The following PLEKHG5 variants were observed in gnomAD, a reference collection of about 807,000 sequenced individuals.
PLEKHG5 encodes the protein pleckstrin homology domain-containing family G member 5.
Under a neutral mutation model 103.8 loss-of-function variants are expected in PLEKHG5, and 52 were observed. That is an observed-to-expected ratio of 0.50 (90% CI 0.40 to 0.63). The LOEUF (loss-of-function observed/expected upper bound fraction) is 0.63, where lower values mean the gene tolerates loss of function less well. Among genes scored for constraint, PLEKHG5 ranks in the 30% least tolerant of loss-of-function variants. PLEKHG5 has a pLI of 0.00. For missense variants in PLEKHG5, 1,205 were observed against 1,347.6 expected, an observed-to-expected ratio of 0.89 and a Z score of 1.66; for synonymous variants, 592 against 575.5, an observed-to-expected ratio of 1.03 and a Z score of -0.41.
upstream of PLEKHG5, among the ~76,000 whole-genome samples, chr1:6,501,275 G>T (rs1391575854): frequency 6.6e-6 from 1 of 152,082 alleles, no homozygotes; most frequent in East Asian, 1.9e-4. This position sits in a 1 kb window ranked among gnomAD's most constrained non-coding sequence, Gnocchi z 4.3. Context: ...TCTGACCCCA[G>T]CCCAGCCCTT....
chr1:6,481,852 G>C (rs1478962083), intron 1 of PLEKHG5, among the ~76,000 whole-genome samples: 4 of 142,532 alleles, frequency 2.8e-5, no homozygotes, highest in Admixed American at 1.4e-4. Context: ...CTACAGGGAA[G>C]ACATTATCTT....
chr1:6,476,374 G>C (rs1163600494), intron 2 of PLEKHG5, among the ~76,000 whole-genome samples: 1 of 152,006 alleles, frequency 6.6e-6, no homozygotes, highest in Non-Finnish European at 1.5e-5. Context: ...TGTATTTTTA[G>C]TAATGACAGG....
At chr1:6,482,015 G>A (rs1351336732) in intron 1 of PLEKHG5, among the ~76,000 whole-genome samples, 1 of 151,792 alleles carries the variant, frequency 6.6e-6, no homozygotes, top group Admixed American at 6.6e-5. Flanking sequence ...CTGGCCTCCT[G>A]GTCGTTCCGG....
At chr1:6,470,708 A>G (rs770153419) in intron 14 of PLEKHG5, 27 bp downstream of exon 14, 3 of 1,550,354 alleles carry the variant, frequency 1.9e-6, no homozygotes, top group African/African-American at 1.4e-5. Context: ...CGCAGGGGGG[A>G]CGGCTCCCGC....
At chr1:6,512,978 C>G (rs10442706) in intron 1 of PLEKHG5, among the ~76,000 whole-genome samples, 92,406 of 152,116 alleles carry the variant, frequency 0.61, 30,144 homozygotes, top group East Asian at 0.75. Context: ...AAGAACAGAA[C>G]GCAAGTCTGC....
At chr1:6,471,428 G>C (rs944406400) in intron 12 of PLEKHG5, 60 bp downstream of exon 12, 1 of 1,555,868 alleles carries the variant, frequency 6.4e-7, no homozygotes, top group Non-Finnish European at 8.7e-7. Context: ...GGGCCGTGGA[G>C]GCTTTTCGGC....
At chr1:6,474,690 C>A in intron 5 of PLEKHG5, 103 bp from the exon 6 acceptor site, 1 of 1,154,344 alleles carries the variant, frequency 8.7e-7, no homozygotes, top group South Asian at 1.3e-5. Context: ...GCCCCAGCTG[C>A]CCCCACCTTC....
intron 1 of PLEKHG5, chr1:6,485,795 C>T: frequency 3.8e-6 from 3 of 794,862 alleles, no homozygotes; most frequent in South Asian, 5.8e-5. Flanking sequence ...GTCCCCGGGA[C>T]CCCCACCTTC....
chr1:6,514,795 C>T (rs1293190686), intron 1 of PLEKHG5, among the ~76,000 whole-genome samples: 1 of 147,690 alleles, frequency 6.8e-6, no homozygotes, highest in African/African-American at 2.5e-5. Context: ...TGGCCAGCCG[C>T]GGTGGCTCAA....
upstream of PLEKHG5, among the ~76,000 whole-genome samples, chr1:6,496,309 G>A (rs1221786738): frequency 6.6e-6 from 1 of 152,242 alleles, no homozygotes; most frequent in African/African-American, 2.4e-5. Flanking sequence ...CACTGTTCCT[G>A]AGCTGGGGGC....
At chr1:6,475,395 G>T in intron 4 of PLEKHG5, 67 bp downstream of exon 4, 1 of 1,387,578 alleles carries the variant, frequency 7.2e-7, no homozygotes, top group Non-Finnish European at 1.0e-6. Context: ...CCGGAGGAAG[G>T]CCCAGGCTCG....
At chr1:6,503,872 G>T (rs1222714721) in intron 1 of PLEKHG5, among the ~76,000 whole-genome samples, 4 of 152,192 alleles carry the variant, frequency 2.6e-5, no homozygotes, top group African/African-American at 9.7e-5. Flanking sequence ...TCATAGATGT[G>T]ATTCCTGCAT....
chr1:6,491,580 T>C lies in PLEKHG5; in HGVS notation c.-88+57A>G. On this transcript the variant is annotated intron_variant, in intron 1 of 20. Transcript: ENST00000377728. The surrounding 1 kb of genome is among the most constrained non-coding windows in gnomAD (Gnocchi z 4.1). The stretch of plus-strand genomic sequence containing the variant: ...TCCCTGGGGCATCCTGGTCTGCCGC[T>C]GCTCACCCCCAAAGCATTGCCCAGG... The C allele has an allele frequency of 1.1e-6, 1 of 896,834 alleles. No individual in the cohort carries two copies. The highest frequency in any genetic ancestry group is 1.3e-6 in the Non-Finnish European group (1 of 749,720). 55.6% of individuals were successfully genotyped at this position (896,834 alleles called of 1,614,324 possible).
rs1644545085 is a variant in PLEKHG5, at chr1:6,470,727, AG to A, written c.1542+7del. On this transcript the variant is annotated splice_region_variant and intron_variant, in intron 14 of 20. Coordinates refer to ENST00000377728, the MANE Select transcript of PLEKHG5 (RefSeq NM_020631.6). ...GGGGGGACGGCTCCCGCTGGCCATC[AG>A]GGTTACCATGGCGACGACGGCCTCC... is the stretch of plus-strand genomic sequence containing the variant. 1 of 1,555,226 alleles carries A rather than the reference AG, an allele frequency of 6.4e-7. No individual in the cohort carries two copies. The highest frequency in any genetic ancestry group is 1.4e-5 in the African/African-American group (1 of 73,492).
At chr1:6,518,783 T>C (rs1298943226) in intron 1 of PLEKHG5, among the ~76,000 whole-genome samples, 3 of 152,044 alleles carry the variant, frequency 2.0e-5, no homozygotes, top group Non-Finnish European at 4.4e-5. Context: ...CAGGTAACCC[T>C]CCTCTAACAC....
intron 1 of PLEKHG5, among the ~76,000 whole-genome samples, chr1:6,480,675 G>T (rs144275328): frequency 8.8e-4 from 133 of 151,132 alleles, no homozygotes; most frequent in African/African-American, 3.2e-3. Flanking sequence ...TTGAGACAGG[G>T]TCTCACTCTG....
Position 6,470,783 on chromosome 1 carries a change from C to T in PLEKHG5, c.1494G>A (p.Val498=). The T allele has an allele frequency of 6.4e-7, 1 of 1,571,826 alleles. No homozygotes were observed. ...LTKYPLLLKS[V]LRKTEEPRAK... is the part of the protein sequence containing the mutation. ...CGCGCGGCTCCTCGGTCTTCCTCAG[C>T]ACCGACTTGAGCAGCAGCGGGTACT... The change falls in exon 14 of 21, where the codon GTG becomes GTA. Residue 498 remains valine (V), a synonymous_variant. Transcript: ENST00000377728.
In PLEKHG5 at chr1:6,469,561, C is replaced by G; in HGVS notation, c.1916G>C (p.Arg639Pro). ...PPLLVDKIVC[R>P]ELRDPGSFLL... The stretch of plus-strand genomic sequence containing the variant: ...CTCCTTACCAGGGTCCCGTAGCTCC[C>G]GGCACACAATCTTGTCCACGAGCAG... The change falls in exon 17 of 21, where the codon CGG becomes CCG. Residue 639 changes from arginine (R) to proline (P), a missense_variant. Coordinates refer to ENST00000377728, the MANE Select transcript of PLEKHG5 (RefSeq NM_020631.6). The G allele has an allele frequency of 6.2e-7, 1 of 1,613,852 alleles. No homozygotes were observed. The highest frequency in any genetic ancestry group is 8.5e-7 in the Non-Finnish European group (1 of 1,180,042).
intron 5 of PLEKHG5, 96 bp downstream of exon 5, chr1:6,474,947 CACAG>C: frequency 1.2e-6 from 1 of 834,854 alleles, no homozygotes; most frequent in Non-Finnish European, 2.1e-6. Flanking sequence ...CGGGCCACCA[CACAG>C]ACACACACGT....
Sources: gnomAD v4.1 joint callset for allele counts (sites outside exome capture counted in the v4.1 genomes callset) on GRCh38, gnomAD v4.1.1 for gene constraint, Gnocchi (gnomAD v3.1) non-coding constraint, MANE v1.5 for transcripts, NCBI Gene and HGNC (gene_info 2026-07-23, HGNC 2026-07-21) for gene names.